SLC13A1: variants seen among roughly 807,000 people sequenced by gnomAD.
SLC13A1 encodes solute carrier family 13 member 1.
A neutral mutation model predicts 70.0 loss-of-function variants in SLC13A1; 65 were observed. The observed-to-expected ratio is 0.93, with a 90% CI of 0.76 to 1.14. The LOEUF (loss-of-function observed/expected upper bound fraction) is 1.14, where lower values mean the gene tolerates loss of function less well. Ranked by LOEUF, SLC13A1 falls within the 50% of genes most tolerant of loss-of-function variation. SLC13A1 has a pLI of 0.00. For missense variants in SLC13A1, 726 were observed against 717.8 expected, an observed-to-expected ratio of 1.01 and a Z score of -0.13; for synonymous variants, 275 against 250.5, an observed-to-expected ratio of 1.10 and a Z score of -0.92.
At chr7:123,125,764 T>C in intron 10 of SLC13A1, 89 bp from the exon 11 acceptor site, 1 of 877,174 alleles carries the variant, frequency 1.1e-6, no homozygotes. Context: ...ATATCAGTAA[T>C]AGGTTATTAT....
intron 1 of SLC13A1, among the ~76,000 whole-genome samples, chr7:123,195,215 G>A (rs1796140666): frequency 6.6e-6 from 1 of 151,936 alleles, no homozygotes; most frequent in Non-Finnish European, 1.5e-5. Flanking sequence ...ATTGCTATTA[G>A]CATTATTTCT....
chr7:123,171,946 GA>G (rs869089728), intron 2 of SLC13A1, 42 bp from the exon 3 acceptor site: 1 of 1,584,882 alleles, frequency 6.3e-7, no homozygotes, highest in Non-Finnish European at 8.6e-7. Flanking sequence ...CTTTGGTGGG[GA>G]AAAATAACAT....
At chr7:123,151,078 C>A (rs1380263722) in intron 6 of SLC13A1, among the ~76,000 whole-genome samples, 1 of 152,034 alleles carries the variant, frequency 6.6e-6, no homozygotes, top group Non-Finnish European at 1.5e-5. Context: ...AATCTCAGCA[C>A]TTTGGGAAGC....
chr7:123,192,162 T>C (rs1444617245), intron 1 of SLC13A1, among the ~76,000 whole-genome samples: 1 of 152,184 alleles, frequency 6.6e-6, no homozygotes, highest in East Asian at 1.9e-4. Flanking sequence ...TAAACAGCAC[T>C]GGAACTAAAA....
chr7:123,199,511 C>T (rs115979599), intron 1 of SLC13A1, among the ~76,000 whole-genome samples: 3,763 of 152,150 alleles, frequency 0.025, 67 homozygotes, highest in Non-Finnish European at 0.03. Flanking sequence ...GAAGGCATTG[C>T]ACTAGCCATG....
At chr7:123,176,862 G>A (rs1424138835) in intron 2 of SLC13A1, among the ~76,000 whole-genome samples, 1 of 152,024 alleles carries the variant, frequency 6.6e-6, no homozygotes, top group Non-Finnish European at 1.5e-5. Flanking sequence ...GCCTCTTACT[G>A]TTATAGCTAT....
At chr7:123,153,506 G>A (rs1424740121) in intron 6 of SLC13A1, among the ~76,000 whole-genome samples, 1 of 151,984 alleles carries the variant, frequency 6.6e-6, no homozygotes, top group African/African-American at 2.4e-5. Flanking sequence ...TGTGTTCGCT[G>A]GGCTGAACAC....
chr7:123,192,252 T>A (rs1365076527), intron 1 of SLC13A1, among the ~76,000 whole-genome samples: 1 of 152,160 alleles, frequency 6.6e-6, no homozygotes, highest in African/African-American at 2.4e-5. Context: ...CATAGTCATA[T>A]CTTGTCTTAA....
At chr7:123,138,692 A>G (rs1450202152) in intron 7 of SLC13A1, among the ~76,000 whole-genome samples, 1 of 152,106 alleles carries the variant, frequency 6.6e-6, no homozygotes, top group Non-Finnish European at 1.5e-5. Context: ...GCTTTTTCAT[A>G]TGCCTGTTTG....
chr7:123,193,784 C>T (rs774474815), intron 1 of SLC13A1, among the ~76,000 whole-genome samples: 2 of 152,060 alleles, frequency 1.3e-5, no homozygotes, highest in African/African-American at 2.4e-5. Flanking sequence ...TCACAGTGGG[C>T]ATTCACATTT....
chr7:123,186,228 T>G (rs1171702296), intron 1 of SLC13A1, among the ~76,000 whole-genome samples: 3 of 152,036 alleles, frequency 2.0e-5, no homozygotes, highest in Non-Finnish European at 4.4e-5. Flanking sequence ...AAACAACCAT[T>G]TTCTTCTTTT....
chr7:123,189,956 T>C (rs1795943653), intron 1 of SLC13A1, among the ~76,000 whole-genome samples: 1 of 152,166 alleles, frequency 6.6e-6, no homozygotes, highest in African/African-American at 2.4e-5. Context: ...AATTCAGTAA[T>C]TATTACTTTG....
intron 11 of SLC13A1, among the ~76,000 whole-genome samples, chr7:123,125,159 G>C (rs954272204): frequency 9.2e-5 from 14 of 152,122 alleles, no homozygotes; most frequent in African/African-American, 3.1e-4. Context: ...CTTTGAGAAT[G>C]TAAATACTCT....
Position 123,119,231 on chromosome 7 carries a change from TA to T in SLC13A1, c.1361del (p.Leu454TyrfsTer5). On this transcript the variant is annotated frameshift_variant, in exon 13 of 15. Transcript: ENST00000194130. LOFTEE classifies it high-confidence loss of function. ...ATAATTTATTTCCTATCCACTTAGATAATCCAGACTCCTAAAAAACAAATTT... is the reference window on the plus strand; with the variant it reads ...ATAATTTATTTCCTATCCACTTAGATATCCAGACTCCTAAAAAACAAATTT... ...ALADGCEESG[L>X]SKWIGNKLSP... 6.3e-7 allele frequency: 1 copy of T among 1,597,022 alleles called. No homozygotes were observed. The highest frequency in any genetic ancestry group is 8.5e-7 in the Non-Finnish European group (1 of 1,172,048).
At chr7:123,160,949 A>G (rs1794873668) in intron 6 of SLC13A1, among the ~76,000 whole-genome samples, 1 of 152,032 alleles carries the variant, frequency 6.6e-6, no homozygotes, top group Admixed American at 6.6e-5. Flanking sequence ...TTTGGAAGAG[A>G]GGAAAAACTC....
At chr7:123,172,390 G>A (rs546222412) in intron 2 of SLC13A1, among the ~76,000 whole-genome samples, 123 of 152,332 alleles carry the variant, frequency 8.1e-4, no homozygotes, top group African/African-American at 2.9e-3. Context: ...GGAGGCCAAA[G>A]CAGGTGGATC....
chr7:123,172,704 A>G (rs138472690), intron 2 of SLC13A1, among the ~76,000 whole-genome samples: 24 of 152,340 alleles, frequency 1.6e-4, no homozygotes, highest in African/African-American at 5.5e-4. Context: ...AACACCATTC[A>G]GAGATTAGTA....
chr7:123,147,375 G>T (rs1794397708), intron 6 of SLC13A1, 65 bp from the exon 7 acceptor site: 2 of 1,544,194 alleles, frequency 1.3e-6, no homozygotes, highest in East Asian at 2.3e-5. Context: ...CTGAATATTT[G>T]TGTCCCACCA....
At position 123,176,387 on chromosome 7, in the gene SLC13A1, A is replaced by G. The variant is rs140632524; in HGVS notation, c.229-4483T>C. ...TATAACTATTCTCAAGGCAAAATTGATATGTCAAATAACATCTCTAATAAA... is the reference window on the plus strand; with the variant it reads ...TATAACTATTCTCAAGGCAAAATTGGTATGTCAAATAACATCTCTAATAAA... On this transcript the variant is annotated intron_variant, in intron 2 of 14. Coordinates refer to ENST00000194130, the MANE Select transcript of SLC13A1 (RefSeq NM_022444.4). 8.3e-3 allele frequency among the ~76,000 whole-genome samples: 1,264 copies of G among 152,256 alleles called. 18 individuals are homozygous for G. Among genetic ancestry groups the G allele is most frequent in the African/African-American group, 0.028 (1,173 of 41,542 alleles).
Sources: gnomAD v4.1 joint callset for allele counts (sites outside exome capture counted in the v4.1 genomes callset) on GRCh38, gnomAD v4.1.1 for gene constraint, MANE v1.5 for transcripts, NCBI Gene and HGNC (gene_info 2026-07-23, HGNC 2026-07-21) for gene names.